The following FAM114A1 variants were observed in gnomAD, a reference collection of about 807,000 sequenced individuals.
FAM114A1 encodes protein NOXP20.
Under a neutral mutation model 64.3 loss-of-function variants are expected in FAM114A1, and 62 were observed. That is an observed-to-expected ratio of 0.96 (90% confidence interval 0.79 to 1.19). The LOEUF is 1.19. Ranked by LOEUF, FAM114A1 falls within the 50% of genes most tolerant of loss-of-function variation. The pLI, the probability that FAM114A1 is intolerant of heterozygous loss-of-function variation, is 0.00. For missense variants in FAM114A1, 645 were observed against 676.3 expected (o/e 0.95, Z 0.51); for synonymous variants, 254 against 251.1 (o/e 1.01, Z -0.11).
At chr4:38,930,918 C>G (rs1579401997) in intron 10 of FAM114A1, among the ~76,000 whole-genome samples, 1 of 152,126 alleles carries the variant, frequency 6.6e-6, no homozygotes, top group Admixed American at 6.5e-5. Flanking sequence ...CTCTTCTCCC[C>G]CTTGAGGGTG....
chr4:38,876,203 T>A (rs1253501278), intron 2 of FAM114A1, among the ~76,000 whole-genome samples: 1 of 147,040 alleles, frequency 6.8e-6, no homozygotes, highest in African/African-American at 2.5e-5. Context: ...ACGGTCTCGC[T>A]TTGTCGCCCA....
intron 8 of FAM114A1, among the ~76,000 whole-genome samples, chr4:38,918,644 C>T (rs975293920): frequency 3.3e-5 from 5 of 152,186 alleles, no homozygotes; most frequent in Admixed American, 3.3e-4. Context: ...CAACCCTACA[C>T]ATACCAAGTA....
intron 9 of FAM114A1, among the ~76,000 whole-genome samples, chr4:38,927,654 G>A (rs773197005): frequency 1.6e-4 from 25 of 152,132 alleles, no homozygotes; most frequent in Middle Eastern, 3.4e-3. Context: ...ATCCCTTGAC[G>A]TTGATGTTAT....
chr4:38,879,541 A>T (rs56106459), intron 3 of FAM114A1, among the ~76,000 whole-genome samples: 41,729 of 151,868 alleles, frequency 0.27, 6,105 homozygotes, highest in African/African-American at 0.31. Context: ...AGATTGGGCT[A>T]CCCTCCCACC....
intron 3 of FAM114A1, 66 bp downstream of exon 3, chr4:38,878,492 A>AGCTCT: frequency 1.4e-6 from 2 of 1,403,764 alleles, no homozygotes; most frequent in Non-Finnish European, 1.9e-6. Flanking sequence ...GTGCAGAGCT[A>AGCTCT]GCACCAAGCT....
At chr4:38,905,964 T>C in intron 6 of FAM114A1, 103 bp downstream of exon 6, 1 of 1,004,378 alleles carries the variant, frequency 1.0e-6, no homozygotes, top group Admixed American at 3.1e-5. Context: ...AACGATGGCC[T>C]TGCTCAGAAC....
At chr4:38,886,753 C>A (rs569864186) in intron 3 of FAM114A1, among the ~76,000 whole-genome samples, 2 of 151,504 alleles carry the variant, frequency 1.3e-5, no homozygotes, top group Admixed American at 1.3e-4. Context: ...CAAGGTGAAA[C>A]CCTGTCTCCA....
At chr4:38,942,029 A>T (rs1215119122) in intron 14 of FAM114A1, among the ~76,000 whole-genome samples, 1 of 152,216 alleles carries the variant, frequency 6.6e-6, no homozygotes, top group Non-Finnish European at 1.5e-5. Context: ...GGCTGCAGAC[A>T]AGACAAGAGA....
intron 3 of FAM114A1, among the ~76,000 whole-genome samples, chr4:38,882,317 T>C (rs1715362520): frequency 3.2e-5 from 1 of 31,542 alleles, no homozygotes; most frequent in South Asian, 8.5e-4. Context: ...AGACTCCGTC[T>C]CAAAAAAAAA....
intron 3 of FAM114A1, among the ~76,000 whole-genome samples, chr4:38,890,802 T>G (rs1308614016): frequency 6.6e-6 from 1 of 152,214 alleles, no homozygotes; most frequent in Non-Finnish European, 1.5e-5. Flanking sequence ...AGCACTCTTC[T>G]AAGCTCTGAG....
chr4:38,880,134 AG>A, intron 3 of FAM114A1, among the ~76,000 whole-genome samples: 1 of 108,866 alleles, frequency 9.2e-6, no homozygotes, highest in Non-Finnish European at 2.2e-5. Context: ...AGAATAGAAT[AG>A]AATAGAATAG....
intron 5 of FAM114A1, 23 bp downstream of exon 5, chr4:38,905,658 G>A (rs774530038): frequency 2.5e-6 from 4 of 1,610,890 alleles, no homozygotes; most frequent in Non-Finnish European, 2.5e-6. Context: ...TCTCCTCTGG[G>A]TGTTCTTGGA....
intron 2 of FAM114A1, among the ~76,000 whole-genome samples, chr4:38,872,355 A>G (rs1265464703): frequency 3.9e-5 from 6 of 152,240 alleles, no homozygotes; most frequent in Non-Finnish European, 7.3e-5. Context: ...ATAACAACAC[A>G]TGAGGGCAAG....
Position 38,935,820 on chromosome 4 carries a change from C to A in FAM114A1, c.1536+30C>A, listed in dbSNP as rs188806426. 6.7e-6 allele frequency: 10 copies of A among 1,489,978 alleles called. No individual in the cohort carries two copies. In the African/African-American group the frequency reaches 8.4e-5, roughly 13 times the overall value. 92.3% of individuals were successfully genotyped at this position (1,489,978 alleles called of 1,614,324 possible). The stretch of plus-strand genomic sequence containing the variant: ...GATTACAGTCTTGAATTTTTTTCAC[C>A]TTTTTTAAGGGAAGTATGTCTGTGA... On this transcript the variant is annotated intron_variant, in intron 13 of 14. Transcript: ENST00000358869.
intron 2 of FAM114A1, among the ~76,000 whole-genome samples, chr4:38,869,399 G>C (rs1205442554): frequency 6.6e-6 from 1 of 152,234 alleles, no homozygotes; most frequent in Non-Finnish European, 1.5e-5. Flanking sequence ...CGTAAGCAAA[G>C]GCAGGGAGAT....
At position 38,915,009 on chromosome 4, in the gene FAM114A1, A is replaced by G. The variant is rs1718904012; in HGVS notation, c.881A>G (p.Asp294Gly). ...ERTAHYGMLF[D>G]EYQGLSHLEA... is the part of the protein sequence containing the mutation. ...ACCGCGCACTACGGGATGCTGTTTG[A>G]TGAATATCAAGGCTTGTCACACCTG... Residue 294 changes from aspartate (D) to glycine (G), a missense_variant, in exon 8 of 15, where the codon GAT becomes GGT. Asp to Gly is a moderately conservative substitution (Grantham distance 94, BLOSUM62 -1). Coordinates refer to ENST00000358869, the MANE Select transcript of FAM114A1 (RefSeq NM_138389.4). The G allele has an allele frequency of 2.5e-6, 4 of 1,614,108 alleles. No homozygotes were observed. The highest frequency in any genetic ancestry group is 3.4e-6 in the Non-Finnish European group (4 of 1,180,048).
At chr4:38,929,155 C>T in intron 9 of FAM114A1, 87 bp from the exon 10 acceptor site, 1 of 1,030,826 alleles carries the variant, frequency 9.7e-7, no homozygotes, top group Non-Finnish European at 1.5e-6. Context: ...TAGTCTACCC[C>T]AGCTGCAGGC....
intron 4 of FAM114A1, among the ~76,000 whole-genome samples, chr4:38,898,916 A>G (rs1272350338): frequency 6.8e-6 from 1 of 147,978 alleles, no homozygotes; most frequent in Non-Finnish European, 1.5e-5. Flanking sequence ...TATGAGTAAT[A>G]TATATGTTAT....
intron 8 of FAM114A1, among the ~76,000 whole-genome samples, chr4:38,917,149 C>CAAGTAAATAAATAAAT: frequency 7.0e-6 from 1 of 143,136 alleles, no homozygotes; most frequent in South Asian, 2.3e-4. Flanking sequence ...ACTAAAAATA[C>CAAGTAAATAAATAAAT]AAATAAATAA....
Sources: allele counts gnomAD v4.1 joint callset (sites outside exome capture counted in the v4.1 genomes callset), GRCh38; gene constraint gnomAD v4.1.1; transcripts MANE v1.5; gene names NCBI Gene and HGNC (gene_info 2026-07-23, HGNC 2026-07-21).